CAMK4: variants seen among roughly 807,000 people sequenced by gnomAD.
CAMK4 encodes the protein calcium/calmodulin-dependent protein kinase type IV.
Under a neutral mutation model 44.9 loss-of-function variants are expected in CAMK4, and 22 were observed. That is an observed-to-expected ratio of 0.49 (90% confidence interval 0.35 to 0.70). The LOEUF is 0.70. Ranked by LOEUF, CAMK4 falls within the 30% of genes least tolerant of loss-of-function variation. The pLI, the probability that CAMK4 is intolerant of heterozygous loss-of-function variation, is 0.01. For synonymous variants in CAMK4, 218 were observed against 215.4 expected, an observed-to-expected ratio of 1.01 and a Z score of -0.11; for missense variants, 498 against 586.8, an observed-to-expected ratio of 0.85 and a Z score of 1.56.
At chr5:111,318,872 C>T (rs909004912) in intron 1 of CAMK4, among the ~76,000 whole-genome samples, 4 of 152,070 alleles carry the variant, frequency 2.6e-5, no homozygotes, top group Non-Finnish European at 4.4e-5. Flanking sequence ...ATACTGTTGA[C>T]AAAGATGGAA....
chr5:111,367,586 T>C (rs1464658199), intron 2 of CAMK4, among the ~76,000 whole-genome samples: 1 of 152,136 alleles, frequency 6.6e-6, no homozygotes. Context: ...AGCTATTTCA[T>C]GCAGGTTAGG....
chr5:111,470,545 A>G (rs1206288900), intron 7 of CAMK4, among the ~76,000 whole-genome samples: 1 of 152,218 alleles, frequency 6.6e-6, no homozygotes, highest in Non-Finnish European at 1.5e-5. Flanking sequence ...AAACTGCATC[A>G]AGGTCAAGAG....
chr5:111,287,181 C>G lies in CAMK4; in HGVS notation c.162-56843C>G, dbSNP rs117852755. 2.6e-5 allele frequency among the ~76,000 whole-genome samples: 4 copies of G among 152,276 alleles called. No homozygotes were observed. In the East Asian group the frequency reaches 7.7e-4, roughly 29 times the overall value. ...CATAGAGAGAAAACCACTGCACTTTCCTTCTCTCCTTCCAAAAGTGTAAAC... is the reference window on the plus strand; with the variant it reads ...CATAGAGAGAAAACCACTGCACTTTGCTTCTCTCCTTCCAAAAGTGTAAAC... On this transcript the variant is annotated intron_variant, in intron 1 of 10. Coordinates refer to ENST00000282356, the MANE Select transcript of CAMK4 (RefSeq NM_001744.6).
chr5:111,456,043 T>C (rs2112991351), intron 7 of CAMK4, among the ~76,000 whole-genome samples: 1 of 152,328 alleles, frequency 6.6e-6, no homozygotes, highest in African/African-American at 2.4e-5. Context: ...TCATCTTTTC[T>C]TATTACTGTT....
intron 1 of CAMK4, among the ~76,000 whole-genome samples, chr5:111,227,996 C>T (rs1206182661): frequency 6.6e-6 from 1 of 152,166 alleles, no homozygotes; most frequent in Non-Finnish European, 1.5e-5. Flanking sequence ...GGAGCTGCCT[C>T]TGGTCCAGAT....
intron 5 of CAMK4, among the ~76,000 whole-genome samples, chr5:111,426,466 C>T (rs370032703): frequency 2.6e-5 from 4 of 152,238 alleles, no homozygotes; most frequent in East Asian, 1.9e-4. Flanking sequence ...AGATGGTGCA[C>T]CGATCATCTC....
chr5:111,248,243 A>G (rs1288166216), intron 1 of CAMK4, among the ~76,000 whole-genome samples: 1 of 152,228 alleles, frequency 6.6e-6, no homozygotes, highest in African/African-American at 2.4e-5. Flanking sequence ...ACTGAGAGAT[A>G]TTTTTAAATA....
chr5:111,310,167 C>G (rs1580567300), intron 1 of CAMK4, among the ~76,000 whole-genome samples: 1 of 152,108 alleles, frequency 6.6e-6, no homozygotes, highest in Non-Finnish European at 1.5e-5. Flanking sequence ...GTCATGGCCA[C>G]CTGTATCCCC....
At chr5:111,249,621 TTTG>T in intron 1 of CAMK4, among the ~76,000 whole-genome samples, 1 of 149,876 alleles carries the variant, frequency 6.7e-6, no homozygotes. Context: ...TTCTTTTATA[TTTG>T]TGTGTATATA....
chr5:111,228,736 G>A (rs567969472), intron 1 of CAMK4, among the ~76,000 whole-genome samples: 3 of 152,298 alleles, frequency 2.0e-5, no homozygotes, highest in Admixed American at 6.5e-5. Flanking sequence ...CCATAAATCT[G>A]TGTGTGATAG....
intron 2 of CAMK4, among the ~76,000 whole-genome samples, chr5:111,362,533 G>T (rs1750634643): frequency 1.3e-5 from 2 of 151,884 alleles, no homozygotes; most frequent in Admixed American, 1.3e-4. Context: ...AAATGCTAAT[G>T]ATTAGTTGTG....
chr5:111,257,583 T>C (rs1177198853), intron 1 of CAMK4, among the ~76,000 whole-genome samples: 7 of 152,206 alleles, frequency 4.6e-5, no homozygotes, highest in Admixed American at 4.6e-4. Context: ...TGGAAGACAG[T>C]GTGGCAATTC....
At chr5:111,232,635 C>A (rs180929265) in intron 1 of CAMK4, among the ~76,000 whole-genome samples, 4 of 151,930 alleles carry the variant, frequency 2.6e-5, no homozygotes, top group African/African-American at 7.3e-5. Flanking sequence ...GATAAAGTAA[C>A]CATTGTGAGA....
At chr5:111,312,891 G>A (rs1748269993) in intron 1 of CAMK4, among the ~76,000 whole-genome samples, 1 of 151,974 alleles carries the variant, frequency 6.6e-6, no homozygotes, top group African/African-American at 2.4e-5. Flanking sequence ...GTTTTAATGC[G>A]GCCCTCCTTT....
In CAMK4 at chr5:111,484,048, C is replaced by T. The variant is rs1256587891; in HGVS notation, c.1004C>T (p.Ala335Val). The change falls in exon 11 of 11, where the codon GCC (alanine) becomes GTC (valine). Residue 335 changes from alanine to valine, a missense_variant. Physicochemically the swap from Ala to Val is moderately conservative, Grantham distance 64. Around this residue, in one of 3 missense-constraint regions of CAMK4, gnomAD observed 203 missense variants for 298.2 expected, o/e 0.68. Transcript: ENST00000282356. The surrounding 1 kb of genome is among the most constrained non-coding windows in gnomAD (Gnocchi z 5.3). ...CAGGCAGCGGTGAAGGCTGTGGTGGCCTCTTCGCGCCTGGGAAGTGCCAGC... is the reference window on the plus strand; with the variant it reads ...CAGGCAGCGGTGAAGGCTGTGGTGGTCTCTTCGCGCCTGGGAAGTGCCAGC... ...KLKAAVKAVVASSRLGSASSS... is the reference protein window; with the variant it reads ...KLKAAVKAVVVSSRLGSASSS... The T allele has an allele frequency of 2.5e-6, 4 of 1,594,768 alleles. No individual in the cohort carries two copies. Among genetic ancestry groups the T allele is most frequent in the Non-Finnish European group, 2.6e-6 (3 of 1,170,350 alleles).
At chr5:111,437,556 G>A (rs1361327471) in intron 5 of CAMK4, among the ~76,000 whole-genome samples, 3 of 152,162 alleles carry the variant, frequency 2.0e-5, no homozygotes, top group Non-Finnish European at 4.4e-5. Context: ...AGAAAAATAG[G>A]CAGCATCAAT....
intron 1 of CAMK4, among the ~76,000 whole-genome samples, chr5:111,268,293 T>C (rs551968137): frequency 6.6e-6 from 1 of 152,328 alleles, no homozygotes; most frequent in Admixed American, 6.5e-5. Context: ...ATAATTCTTA[T>C]TCAAATAAGA....
intron 2 of CAMK4, among the ~76,000 whole-genome samples, chr5:111,346,250 C>T (rs560683877): frequency 6.6e-6 from 1 of 151,612 alleles, no homozygotes; most frequent in South Asian, 2.1e-4. Flanking sequence ...GGGTCTGCTC[C>T]TGAGGAAAAA....
At chr5:111,332,639 C>T (rs1749218870) in intron 1 of CAMK4, among the ~76,000 whole-genome samples, 1 of 151,520 alleles carries the variant, frequency 6.6e-6, no homozygotes, top group African/African-American at 2.4e-5. Context: ...AAATTAATTA[C>T]ATTTTATTCT....
Sources: allele counts gnomAD v4.1 joint callset (sites outside exome capture counted in the v4.1 genomes callset), GRCh38; gene constraint gnomAD v4.1.1; regional missense constraint gnomAD v4.1.1; non-coding constraint Gnocchi (gnomAD v3.1); transcripts MANE v1.5; gene names NCBI Gene and HGNC (gene_info 2026-07-23, HGNC 2026-07-21).